Variants in DOCK1 observed in about 807,000 individuals in gnomAD.
DOCK1 encodes the protein dedicator of cytokinesis 1, also known as dedicator of cytokinesis protein 1.
Under a neutral mutation model 262.7 loss-of-function variants are expected in DOCK1, and 138 were observed. That is an observed-to-expected ratio of 0.53 (90% CI 0.46 to 0.61). DOCK1 has a LOEUF of 0.61. Ranked by LOEUF, DOCK1 falls within the 20% of genes least tolerant of loss-of-function variation. The pLI is 0.00. For synonymous variants in DOCK1, 866 were observed against 867.4 expected, an observed-to-expected ratio of 1.00 and a Z score of 0.03; for missense variants, 1,908 against 2,370.7, an observed-to-expected ratio of 0.80 and a Z score of 4.05.
intron 37 of DOCK1, 61 bp downstream of exon 37, chr10:127,381,429 A>G: frequency 6.6e-7 from 1 of 1,511,106 alleles, no homozygotes; most frequent in Non-Finnish European, 9.0e-7. Flanking sequence ...CAATATTCAG[A>G]ATTGTATTTT....
intron 6 of DOCK1, among the ~76,000 whole-genome samples, chr10:126,992,781 C>G (rs1440859268): frequency 2.3e-5 from 3 of 129,128 alleles, no homozygotes; most frequent in Non-Finnish European, 5.2e-5. Flanking sequence ...CACAGACACA[C>G]ACACACAGAC....
intron 23 of DOCK1, among the ~76,000 whole-genome samples, chr10:127,101,102 G>A (rs547070811): frequency 2.0e-5 from 3 of 152,144 alleles, no homozygotes; most frequent in South Asian, 2.1e-4. Context: ...CAGGTGCCCC[G>A]AAAACCCAAG....
At chr10:127,172,463 C>T (rs1483136668) in intron 27 of DOCK1, among the ~76,000 whole-genome samples, 2 of 152,176 alleles carry the variant, frequency 1.3e-5, no homozygotes. Context: ...GAGCTTGCAT[C>T]TTATCTGCCT....
chr10:127,445,109 A>G (rs912975095), intron 50 of DOCK1, among the ~76,000 whole-genome samples: 9 of 152,132 alleles, frequency 5.9e-5, no homozygotes, highest in African/African-American at 1.9e-4. Flanking sequence ...TAAGAGGTCT[A>G]CATTTTGGAG....
At chr10:127,377,990 ATGTCTGCATGTAT>A (rs999286973) in intron 35 of DOCK1, among the ~76,000 whole-genome samples, 2 of 152,048 alleles carry the variant, frequency 1.3e-5, no homozygotes, top group African/African-American at 4.8e-5. Context: ...TCCTGCAAGG[ATGTCTGCATGTAT>A]GTTGGAACTT....
intron 27 of DOCK1, among the ~76,000 whole-genome samples, chr10:127,206,826 C>A (rs775716314): frequency 3.3e-5 from 5 of 152,098 alleles, no homozygotes; most frequent in Admixed American, 1.3e-4. Flanking sequence ...GGATTCCTTC[C>A]CTGCTCCATT....
intron 49 of DOCK1, 27 bp downstream of exon 49, chr10:127,439,252 C>A (rs1019249162): frequency 6.3e-7 from 1 of 1,588,442 alleles, no homozygotes; most frequent in South Asian, 1.2e-5. Context: ...TCTTTCCTCG[C>A]TCTGCGGTAG....
At chr10:127,361,921 C>T (rs2064478048) in intron 32 of DOCK1, 143 bp from the exon 33 acceptor site, 1 of 913,556 alleles carries the variant, frequency 1.1e-6, no homozygotes, top group Admixed American at 3.1e-5. Flanking sequence ...AAATCATCAT[C>T]TGCAGACGCG....
intron 47 of DOCK1, 113 bp downstream of exon 47, chr10:127,426,124 T>C (rs758160268): frequency 1.0e-5 from 16 of 1,528,662 alleles, no homozygotes; most frequent in Non-Finnish European, 1.3e-5. Context: ...TGGTGCCCGC[T>C]TAGGAAGTGG....
intron 48 of DOCK1, among the ~76,000 whole-genome samples, chr10:127,434,608 C>T (rs927347368): frequency 3.3e-5 from 5 of 152,006 alleles, no homozygotes; most frequent in African/African-American, 1.2e-4. Flanking sequence ...TAAACACTAA[C>T]TTTGCATTCT....
rs555017874 is a variant in DOCK1 at position 127,211,952 on chromosome 10, T to C, written c.2848-36056T>C. Among the ~76,000 whole-genome samples, 19 of 152,334 alleles carry C rather than the reference T, an allele frequency of 1.2e-4. No homozygotes were observed. In the East Asian group the frequency reaches 3.3e-3, roughly 26 times the overall value. On this transcript the variant is annotated intron_variant, in intron 27 of 51. Transcript: ENST00000623213. ...CCAATATTCCAGAGTTTCAAAGTAG[T>C]GCCCTTTGAAAAGATTTAAACCTGC... is the stretch of plus-strand genomic sequence containing the variant.
chr10:127,084,131 A>G (rs2047064731), intron 23 of DOCK1, among the ~76,000 whole-genome samples: 1 of 152,082 alleles, frequency 6.6e-6, no homozygotes, highest in Admixed American at 6.5e-5. Flanking sequence ...CCTGTTTATA[A>G]TTGCAGGTGT....
At chr10:126,966,253 TC>T in intron 1 of DOCK1, among the ~76,000 whole-genome samples, 1 of 152,350 alleles carries the variant, frequency 6.6e-6, no homozygotes, top group East Asian at 1.9e-4. Context: ...TTTTTTTGTA[TC>T]CCTTCATTTG....
At chr10:127,009,987 G>A (rs867789260) in intron 11 of DOCK1, among the ~76,000 whole-genome samples, 3 of 152,190 alleles carry the variant, frequency 2.0e-5, no homozygotes, top group Non-Finnish European at 4.4e-5. Flanking sequence ...AGCTCAGTAG[G>A]AGATTTTGCT....
At chr10:127,298,691 C>T (rs564777181) in intron 29 of DOCK1, among the ~76,000 whole-genome samples, 4 of 152,334 alleles carry the variant, frequency 2.6e-5, no homozygotes, top group African/African-American at 7.2e-5. Context: ...AAATTGTTAG[C>T]AGTTGATTTC....
intron 29 of DOCK1, among the ~76,000 whole-genome samples, chr10:127,331,785 A>G (rs1397882430): frequency 1.3e-5 from 2 of 152,182 alleles, no homozygotes; most frequent in African/African-American, 4.8e-5. Flanking sequence ...TCAAGTGTCC[A>G]TCAACAGATA....
chr10:126,915,647 T>G (rs1358042696), intron 1 of DOCK1, among the ~76,000 whole-genome samples: 1 of 152,146 alleles, frequency 6.6e-6, no homozygotes, highest in Non-Finnish European at 1.5e-5. Context: ...AACACGGGGT[T>G]TCACTGTGTT....
intron 6 of DOCK1, among the ~76,000 whole-genome samples, chr10:126,996,113 G>T (rs1219964668): frequency 6.6e-6 from 1 of 152,052 alleles, no homozygotes; most frequent in Non-Finnish European, 1.5e-5. Flanking sequence ...GGGTGCAGTG[G>T]CTCACGCCTG....
intron 23 of DOCK1, among the ~76,000 whole-genome samples, chr10:127,077,260 T>C (rs1048913057): frequency 1.3e-5 from 2 of 151,936 alleles, no homozygotes; most frequent in Non-Finnish European, 2.9e-5. Flanking sequence ...CTGGGCGTGG[T>C]GGTGGGCTCC....
Sources: gnomAD v4.1 joint callset for allele counts (sites outside exome capture counted in the v4.1 genomes callset) on GRCh38, gnomAD v4.1.1 for gene constraint, MANE v1.5 for transcripts, NCBI Gene and HGNC (gene_info 2026-07-23, HGNC 2026-07-21) for gene names.